Variants in ZNF254 observed in about 807,000 individuals in gnomAD.
The protein encoded by ZNF254 is CTD-2017D11.1.
A neutral mutation model predicts 12.4 loss-of-function variants in ZNF254; 10 were observed. That is an observed-to-expected ratio of 0.80 (90% CI 0.50 to 1.36). The LOEUF (loss-of-function observed/expected upper bound fraction) is 1.36. Among genes scored for constraint, ZNF254 ranks in the 40% most tolerant of loss-of-function variants. The probability of loss-of-function intolerance (pLI) is 0.00; values close to 1 mark genes in which losing one functional copy is unlikely to be tolerated. For missense variants in ZNF254, 996 were observed against 763.9 expected (o/e 1.30, Z -3.58); for synonymous variants, 305 against 253.4 (o/e 1.20, Z -1.93).
At chr19:24,105,181 A>G (rs576792848) in intron 1 of ZNF254, 1 of 160,174 alleles carries the variant, frequency 6.2e-6, no homozygotes, top group South Asian at 1.8e-4. Flanking sequence ...TTTTCACTAT[A>G]GAATTATTTT....
At chr19:24,044,413 C>T (rs902562378) in intron 1 of ZNF254, among the ~76,000 whole-genome samples, 3 of 151,812 alleles carry the variant, frequency 2.0e-5, no homozygotes, top group African/African-American at 7.3e-5. Context: ...TGGCAGGCAC[C>T]TGTAGTCCCA....
chr19:24,034,891 C>G (rs1044747428), intron 1 of ZNF254, among the ~76,000 whole-genome samples: 1 of 151,492 alleles, frequency 6.6e-6, no homozygotes, highest in African/African-American at 2.4e-5. Context: ...TCAAGCGATT[C>G]TCTTGCCTCA....
chr19:24,113,551 A>G (rs899234972), intron 3 of ZNF254, among the ~76,000 whole-genome samples: 4 of 152,196 alleles, frequency 2.6e-5, no homozygotes, highest in Admixed American at 6.5e-5. Context: ...AATAAGAGCT[A>G]TCTATGCCAA....
intron 3 of ZNF254, among the ~76,000 whole-genome samples, chr19:24,109,925 TG>T (rs1458365781): frequency 1.3e-5 from 2 of 151,444 alleles, no homozygotes; most frequent in Non-Finnish European, 2.9e-5. Flanking sequence ...AGACGGGGTT[TG>T]CCATGTTGGT....
At chr19:24,081,340 A>C (rs1326905405) in intron 2 of ZNF254, among the ~76,000 whole-genome samples, 3 of 152,202 alleles carry the variant, frequency 2.0e-5, no homozygotes, top group African/African-American at 7.2e-5. Flanking sequence ...CTTTAGAACA[A>C]CATTCTGAGG....
Position 24,129,918 on chromosome 19 carries a change from A to G in ZNF254, c.*1938A>G, listed in dbSNP as rs1975124206. ...ATATGGACTCTTAGAATTGATTTAC[A>G]TAAAATTAAATATATACTTCTATTA... On this transcript the variant is annotated 3_prime_UTR_variant, in exon 4 of 4. Transcript: ENST00000357002. The G allele has an allele frequency of 6.6e-6, 1 of 152,138 alleles. No homozygotes were observed. The highest frequency in any genetic ancestry group is 1.5e-5 in the Non-Finnish European group (1 of 68,030). 9.4% of individuals were successfully genotyped at this position (152,138 alleles called of 1,614,324 possible).
intron 1 of ZNF254, 86 bp from the exon 2 acceptor site, chr19:24,105,854 T>C (rs1225952661): frequency 6.5e-7 from 1 of 1,528,502 alleles, no homozygotes; most frequent in Non-Finnish European, 8.9e-7. Flanking sequence ...GAACCAGTTC[T>C]ATTTACTCTA....
chr19:24,079,041 A>G (rs1414525957), intron 2 of ZNF254: 2 of 152,174 alleles, frequency 1.3e-5, no homozygotes, highest in Non-Finnish European at 2.9e-5. Context: ...TACAGGAAAA[A>G]TTGCCTCTAA....
chr19:24,089,065 C>T (rs1972208902), intron 1 of ZNF254, among the ~76,000 whole-genome samples: 2 of 150,102 alleles, frequency 1.3e-5, no homozygotes, highest in African/African-American at 2.5e-5. Context: ...CAACCTCCGC[C>T]TCCCAGGTTT....
chr19:24,049,191 TA>T (rs1970529895), intron 2 of ZNF254, among the ~76,000 whole-genome samples: 2 of 69,076 alleles, frequency 2.9e-5, no homozygotes, highest in African/African-American at 7.0e-5. Flanking sequence ...GTTTTATATA[TA>T]TATATATATA....
chr19:24,128,117 G>C lies in ZNF254; in HGVS notation c.*137G>C, dbSNP rs1975028685. Reference sequence around the variant, plus strand: ...AAACTTTAAAGAAAATCATTCTGCTGAAAAATCCTAGAAATGTGAAGAATG... The same window carrying C: ...AAACTTTAAAGAAAATCATTCTGCTCAAAAATCCTAGAAATGTGAAGAATG... On this transcript the variant is annotated 3_prime_UTR_variant, in exon 4 of 4. Transcript: ENST00000357002. 1 of 879,998 alleles carries C rather than the reference G, an allele frequency of 1.1e-6. No individual in the cohort carries two copies. The highest frequency in any genetic ancestry group is 1.6e-6 in the Non-Finnish European group (1 of 630,726). 54.5% of individuals were successfully genotyped at this position (879,998 alleles called of 1,614,324 possible). A position where few individuals can be genotyped will look rare whatever the true frequency, so the allele number is the denominator to read the frequency against.
intron 2 of ZNF254, chr19:24,079,372 C>T (rs1971770601): frequency 6.6e-6 from 1 of 152,210 alleles, no homozygotes; most frequent in African/African-American, 2.4e-5. Context: ...CTCCTCCCTA[C>T]CCTTCTAGTC....
At chr19:24,092,816 G>T (rs1352500292) in intron 1 of ZNF254, among the ~76,000 whole-genome samples, 1 of 152,184 alleles carries the variant, frequency 6.6e-6, no homozygotes, top group Non-Finnish European at 1.5e-5. Flanking sequence ...ATTTCTTTGG[G>T]TATATACCCA....
intron 2 of ZNF254, among the ~76,000 whole-genome samples, chr19:24,062,574 CAGAG>C (rs776168147): frequency 6.0e-5 from 9 of 151,152 alleles, no homozygotes; most frequent in East Asian, 1.9e-4. Context: ...AGTGTCCTGA[CAGAG>C]AGAAGCACAC....
chr19:24,088,074 A>AT lies in ZNF254; in HGVS notation c.30+744dup, dbSNP rs552942090. The stretch of plus-strand genomic sequence containing the variant: ...GGGACTACAGGCGCCCGCCACCACA[A>AT]TTTTTTTATTTTTAGTAGAGACGGG... On this transcript the variant is annotated intron_variant, in intron 1 of 3. Coordinates refer to ENST00000357002, the MANE Select transcript of ZNF254 (RefSeq NM_203282.4). 4.9e-3 allele frequency among the ~76,000 whole-genome samples: 745 copies of AT among 151,418 alleles called. 6 individuals are homozygous for AT. The highest frequency in any genetic ancestry group is 0.017 in the African/African-American group (691 of 41,326).
chr19:24,072,441 A>G (rs1971515998), intron 2 of ZNF254, among the ~76,000 whole-genome samples: 1 of 152,088 alleles, frequency 6.6e-6, no homozygotes, highest in Non-Finnish European at 1.5e-5. Flanking sequence ...CAAAGTGCTG[A>G]TATTACAGGT....
At chr19:24,086,724 G>T (rs938415984), upstream of ZNF254, among the ~76,000 whole-genome samples, 3 of 152,116 alleles carry the variant, frequency 2.0e-5, no homozygotes, top group African/African-American at 7.2e-5. Flanking sequence ...TGATCCGCCC[G>T]CCTTGGCCAT....
At chr19:24,047,685 T>C (rs1233855343) in intron 2 of ZNF254, among the ~76,000 whole-genome samples, 2 of 150,894 alleles carry the variant, frequency 1.3e-5, no homozygotes, top group East Asian at 3.9e-4. Flanking sequence ...TTTTTTTCTT[T>C]TTTCTTTTCT....
At chr19:24,033,740 C>T in intron 1 of ZNF254, 1 of 214,678 alleles carries the variant, frequency 4.7e-6, no homozygotes. Flanking sequence ...AGTTCAGCCC[C>T]AGGCCCCTCT....
Sources: allele counts gnomAD v4.1 joint callset (sites outside exome capture counted in the v4.1 genomes callset), GRCh38; gene constraint gnomAD v4.1.1; transcripts MANE v1.5; gene names NCBI Gene and HGNC (gene_info 2026-07-23, HGNC 2026-07-21).